Variants in SHROOM3 observed in about 807,000 individuals in gnomAD.
SHROOM3 encodes protein Shroom3.
Under a neutral mutation model 138.6 loss-of-function variants are expected in SHROOM3, and 47 were observed. That is an observed-to-expected ratio of 0.34 (90% confidence interval 0.27 to 0.43). The LOEUF is 0.43. Ranked by LOEUF, SHROOM3 falls within the 20% of genes least tolerant of loss-of-function variation. The probability of loss-of-function intolerance (pLI) is 1.00; values close to 1 mark genes in which losing one functional copy is unlikely to be tolerated. For missense variants in SHROOM3, 2,491 were observed against 2,596.5 expected, an observed-to-expected ratio of 0.96 and a Z score of 0.88; for synonymous variants, 1,062 against 1,063.3, an observed-to-expected ratio of 1.00 and a Z score of 0.02.
chr4:76,554,139 C>A (rs1733427004), intron 1 of SHROOM3, among the ~76,000 whole-genome samples: 1 of 152,232 alleles, frequency 6.6e-6, no homozygotes. Context: ...ACCTCAGCCA[C>A]TGCTGATCTT....
intron 1 of SHROOM3, among the ~76,000 whole-genome samples, chr4:76,486,662 G>A (rs894660899): frequency 1.3e-5 from 2 of 152,190 alleles, no homozygotes; most frequent in Non-Finnish European, 2.9e-5. Flanking sequence ...TGGACATGTA[G>A]TTTGTACTCT....
At chr4:76,620,676 AT>A (rs1231698725) in intron 2 of SHROOM3, among the ~76,000 whole-genome samples, 1 of 152,128 alleles carries the variant, frequency 6.6e-6, no homozygotes, top group African/African-American at 2.4e-5. Flanking sequence ...GGATTAATAA[AT>A]GTGAGTGGAG....
rs1722602453 is a variant in SHROOM3, at chr4:76,777,377, T to C, written c.5623-1432T>C. Among the ~76,000 whole-genome samples the C allele has an allele frequency of 2.0e-5, 3 of 152,208 alleles. No homozygotes were observed. The South Asian group carries it at 6.2e-4, about 32-fold the overall frequency. ...GCAGCTATTGTGAAAGTGGTTGAGT[T>C]CTTGATTTTATTCTCAGCTTGGTCG... On this transcript the variant is annotated intron_variant, in intron 10 of 10. Coordinates refer to ENST00000296043, the MANE Select transcript of SHROOM3 (RefSeq NM_020859.4).
intron 2 of SHROOM3, among the ~76,000 whole-genome samples, chr4:76,674,554 CTTTTTT>C (rs11312421): frequency 2.0e-4 from 21 of 103,260 alleles, no homozygotes; most frequent in East Asian, 6.4e-4. Context: ...TCCTTCCTTC[CTTTTTT>C]TTTTTTTTTT....
chr4:76,483,676 A>C (rs922876723), intron 1 of SHROOM3, among the ~76,000 whole-genome samples: 5 of 152,128 alleles, frequency 3.3e-5, no homozygotes, highest in African/African-American at 1.2e-4. Context: ...AAATCATTCT[A>C]TAAAGACACA....
chr4:76,568,500 C>T (rs986523751), intron 2 of SHROOM3, among the ~76,000 whole-genome samples: 5 of 152,182 alleles, frequency 3.3e-5, no homozygotes, highest in Admixed American at 2.6e-4. Flanking sequence ...ACACTTTTCT[C>T]CTGTATCCCC....
rs112251235 is a variant in SHROOM3 at position 76,514,545 on chromosome 4, G to A, written c.169-41064G>A. 1.5e-3 allele frequency among the ~76,000 whole-genome samples: 226 copies of A among 152,196 alleles called. 2 individuals carry two copies. Among genetic ancestry groups the A allele is most frequent in the African/African-American group, 4.8e-3 (201 of 41,508 alleles). ...GTGGATATGAGGTCTCTTTTGGGAC[G>A]ATGAAAATGTTCTGAAATTAGATAG... is the stretch of plus-strand genomic sequence containing the variant. On this transcript the variant is annotated intron_variant, in intron 1 of 10. Transcript: ENST00000296043.
At chr4:76,594,377 C>G (rs1208430083) in intron 2 of SHROOM3, among the ~76,000 whole-genome samples, 2 of 152,070 alleles carry the variant, frequency 1.3e-5, no homozygotes, top group Non-Finnish European at 2.9e-5. Context: ...TGCAGATACT[C>G]AAATATTTGT....
chr4:76,756,471 A>G lies in SHROOM3; in HGVS notation c.4732A>G (p.Thr1578Ala). ...RPSFNKLSKV[T>A]IARERHMPGA... is the part of the protein sequence containing the mutation. Reference sequence around the variant, plus strand: ...CAGCTTCAACAAACTTTCTAAAGTGACAATTGCAAGGGAAAGGCACATGCC... The same window carrying G: ...CAGCTTCAACAAACTTTCTAAAGTGGCAATTGCAAGGGAAAGGCACATGCC... Residue 1578 changes from threonine to alanine, a missense_variant, in exon 8 of 11, where the codon ACA becomes GCA. Physicochemically the swap from Thr to Ala is moderately conservative, Grantham distance 58. Transcript: ENST00000296043. The G allele has an allele frequency of 6.2e-7, 1 of 1,612,060 alleles. No homozygotes were observed. Among genetic ancestry groups the G allele is most frequent in the Non-Finnish European group, 8.5e-7 (1 of 1,179,666 alleles).
intron 5 of SHROOM3, among the ~76,000 whole-genome samples, chr4:76,746,465 T>C (rs985557884): frequency 1.1e-4 from 16 of 152,296 alleles, no homozygotes; most frequent in African/African-American, 3.6e-4. Flanking sequence ...CTAGGAGCAA[T>C]AGGCCTATAC....
At chr4:76,696,150 C>CA (rs141064753) in intron 2 of SHROOM3, among the ~76,000 whole-genome samples, 105 of 152,354 alleles carry the variant, frequency 6.9e-4, no homozygotes, top group Non-Finnish European at 1.1e-3. Flanking sequence ...TTGTCTCTGA[C>CA]ACTCTCGAGG....
chr4:76,511,178 A>G (rs1439703242), intron 1 of SHROOM3, among the ~76,000 whole-genome samples: 2 of 133,342 alleles, frequency 1.5e-5, no homozygotes, highest in African/African-American at 3.2e-5. Context: ...GGGAAACTCC[A>G]TCTCAAAAAT....
intron 9 of SHROOM3, among the ~76,000 whole-genome samples, chr4:76,767,995 T>C (rs1226662755): frequency 6.6e-6 from 1 of 152,222 alleles, no homozygotes; most frequent in Non-Finnish European, 1.5e-5. Context: ...GAGGGTGCAG[T>C]GATAATGTTT....
At chr4:76,651,933 T>C (rs1374711202) in intron 2 of SHROOM3, among the ~76,000 whole-genome samples, 1 of 152,190 alleles carries the variant, frequency 6.6e-6, no homozygotes, top group East Asian at 1.9e-4. Flanking sequence ...ATGGTTTTAA[T>C]GGTGGCTAAA....
chr4:76,731,066 T>G, intron 4 of SHROOM3, 131 bp downstream of exon 4: 2 of 1,235,480 alleles, frequency 1.6e-6, no homozygotes, highest in Non-Finnish European at 2.3e-6. Context: ...CTCTATCCAC[T>G]GCTTTTCTCA....
At position 76,741,732 on chromosome 4, in the gene SHROOM3, G is replaced by C. The variant is rs762356543; in HGVS notation, c.3559G>C (p.Asp1187His). 1.2e-4 allele frequency: 181 copies of C among 1,558,996 alleles called. No homozygotes were observed. The highest frequency in any genetic ancestry group is 1.4e-4 in the Non-Finnish European group (163 of 1,152,070). ...CCGCCTCGGGGAACGGCGACGCGGG[G>C]ACCTGCTTAGCGGAGCAAACGGTGG... ...GRRLGERRRG[D>H]LLSGANGGTR... Residue 1187 changes from aspartate to histidine, a missense_variant, in exon 5 of 11, where the codon GAC becomes CAC. Physicochemically the swap from Asp to His is moderately conservative, Grantham distance 81 (BLOSUM62 -1). Transcript: ENST00000296043. The surrounding 1 kb of genome is among the most constrained non-coding windows in gnomAD (Gnocchi z 6.2).
At position 76,605,250 on chromosome 4, in the gene SHROOM3, C is replaced by A. The variant is rs557175917; in HGVS notation, c.323+49487C>A. Among the ~76,000 whole-genome samples the A allele has an allele frequency of 7.2e-5, 11 of 152,200 alleles. No homozygotes were observed. In the South Asian group the frequency reaches 1.5e-3, roughly 20 times the overall value. On this transcript the variant is annotated intron_variant, in intron 2 of 10. Transcript: ENST00000296043. ...GCCATGACAGCATCATCAGAGTGAACTTTAATTAAAAACAAGTGGAGAAAT... is the reference window on the plus strand; with the variant it reads ...GCCATGACAGCATCATCAGAGTGAAATTTAATTAAAAACAAGTGGAGAAAT...
rs111521571 is a variant in SHROOM3, at chr4:76,739,067, G to A, written c.894G>A (p.Gly298=). The change falls in exon 5 of 11, where the codon GGG becomes GGA. Residue 298 remains glycine (G), a synonymous_variant. Transcript: ENST00000296043. ...NTSARGGLLE[G]MRQADIRYVK... ...CTGCTCGAGGTGGCCTCCTCGAAGGGATGAGGCAGGCAGATATTCGCTATG... is the reference window on the plus strand; with the variant it reads ...CTGCTCGAGGTGGCCTCCTCGAAGGAATGAGGCAGGCAGATATTCGCTATG... The A allele has an allele frequency of 3.6e-5, 58 of 1,614,240 alleles. No homozygotes were observed. The African/African-American group carries it at 6.4e-4, about 18-fold the overall frequency.
At chr4:76,536,929 A>G (rs1167704815) in intron 1 of SHROOM3, among the ~76,000 whole-genome samples, 2 of 152,158 alleles carry the variant, frequency 1.3e-5, no homozygotes, top group Admixed American at 1.3e-4. Context: ...CCTGGCAAAC[A>G]TGGTGAAACC....
Sources: allele counts gnomAD v4.1 joint callset (sites outside exome capture counted in the v4.1 genomes callset), GRCh38; gene constraint gnomAD v4.1.1; non-coding constraint Gnocchi (gnomAD v3.1); transcripts MANE v1.5; gene names NCBI Gene and HGNC (gene_info 2026-07-23, HGNC 2026-07-21).